The following TET2 variants were observed in gnomAD, a reference collection of about 807,000 sequenced individuals.
The protein encoded by TET2 is tet methylcytosine dioxygenase 2.
A neutral mutation model predicts 142.9 loss-of-function variants in TET2; 299 were observed. That is an observed-to-expected ratio of 2.09 (90% CI 1.90 to 2.30). The LOEUF is 2.30. Among genes scored for constraint, TET2 ranks in the 30% most tolerant of loss-of-function variants. The pLI is 0.00. For synonymous variants in TET2, 819 were observed against 849.0 expected (o/e 0.96, Z 0.61); for missense variants, 2,418 against 2,378.0 (o/e 1.02, Z -0.35).
intron 1 of TET2, among the ~76,000 whole-genome samples, chr4:105,167,376 A>ATATACATATGCGTGTATATGTG (rs1560719513): frequency 1.3e-5 from 2 of 152,038 alleles, no homozygotes; most frequent in African/African-American, 4.8e-5. Context: ...ATGTGTACAC[A>ATATACATATGCGTGTATATGTG]TATACATATG....
intron 6 of TET2, among the ~76,000 whole-genome samples, chr4:105,248,974 A>T (rs1729722436): frequency 1.4e-5 from 2 of 147,532 alleles, no homozygotes; most frequent in African/African-American, 5.0e-5. Flanking sequence ...CATTTTATTA[A>T]AAAAAAAAAG....
chr4:105,215,529 G>C (rs1273520691), intron 2 of TET2, among the ~76,000 whole-genome samples: 2 of 152,160 alleles, frequency 1.3e-5, no homozygotes, highest in South Asian at 4.1e-4. Context: ...AAGATTGGTA[G>C]CTGTGTGGGC....
chr4:105,234,923 A>C lies in TET2; in HGVS notation c.981A>C (p.Ser327=), dbSNP rs548460864. ...CAGAACAACTACAACAACAAAAATC[A>C]GTTTTTGAGATATGCCCATCTCCTG... The part of the protein sequence containing the change: ...QKPEQLQQQK[S]VFEICPSPAE... Residue 327 remains serine, a synonymous_variant, in exon 3 of 11, where the codon TCA becomes TCC. Transcript: ENST00000380013. 6.2e-7 allele frequency: 1 copy of C among 1,614,090 alleles called. No individual in the cohort carries two copies. The highest frequency in any genetic ancestry group is 1.3e-5 in the African/African-American group (1 of 75,042).
intron 6 of TET2, among the ~76,000 whole-genome samples, chr4:105,247,228 A>G (rs986116662): frequency 5.3e-5 from 8 of 152,200 alleles, no homozygotes; most frequent in Non-Finnish European, 1.0e-4. Flanking sequence ...CAGAAGACAG[A>G]TAACTTACCA....
chr4:105,160,774 G>GGTTT (rs199911726), intron 1 of TET2, among the ~76,000 whole-genome samples: 24 of 151,854 alleles, frequency 1.6e-4, no homozygotes, highest in Non-Finnish European at 2.2e-4. Context: ...TTGGTTTGTT[G>GGTTT]GTTTGTTTGT....
intron 6 of TET2, among the ~76,000 whole-genome samples, chr4:105,259,340 T>C (rs1344096135): frequency 1.3e-5 from 2 of 152,164 alleles, no homozygotes; most frequent in Non-Finnish European, 2.9e-5. Context: ...TTCCAGGGGA[T>C]AGTAAATATT....
At position 105,272,715 on chromosome 4, in the gene TET2, A is replaced by C; in HGVS notation, c.4334A>C (p.Gln1445Pro). 1 of 1,551,750 alleles carries C rather than the reference A, an allele frequency of 6.4e-7. No homozygotes were observed. The change falls in exon 10 of 11, where the codon CAG becomes CCG. Residue 1445 changes from glutamine to proline, a missense_variant. Transcript: ENST00000380013. Reference protein sequence around the residue: ...QEEKKRSGAIQVLSSFRRKVR... With the variant: ...QEEKKRSGAIPVLSSFRRKVR... ...GAGAAAAAACGGAGTGGTGCCATTC[A>C]GGTACTGAGTTCTTTTCGGCGAAAA... is the stretch of plus-strand genomic sequence containing the variant.
At chr4:105,158,772 G>T (rs1687981682) in intron 1 of TET2, among the ~76,000 whole-genome samples, 1 of 151,152 alleles carries the variant, frequency 6.6e-6, no homozygotes, top group South Asian at 2.1e-4. Flanking sequence ...TACAAGAAAT[G>T]CAACAGGAAA....
At chr4:105,198,251 G>A (rs1726208549) in intron 2 of TET2, among the ~76,000 whole-genome samples, 1 of 152,164 alleles carries the variant, frequency 6.6e-6, no homozygotes, top group South Asian at 2.1e-4. Flanking sequence ...CAGGGGAATC[G>A]CTTGAACTCA....
intron 3 of TET2, chr4:105,237,769 A>G: frequency 8.7e-7 from 1 of 1,155,998 alleles, no homozygotes. Flanking sequence ...TTTTAATTCA[A>G]GGTAAAATAT....
intron 6 of TET2, among the ~76,000 whole-genome samples, chr4:105,252,971 T>C (rs1729944352): frequency 6.7e-6 from 1 of 150,148 alleles, no homozygotes; most frequent in Non-Finnish European, 1.5e-5. Context: ...CTGGACTCTT[T>C]ATTCTGTTCC....
At chr4:105,182,451 G>T (rs879680220) in intron 1 of TET2, among the ~76,000 whole-genome samples, 1 of 152,166 alleles carries the variant, frequency 6.6e-6, no homozygotes, top group Non-Finnish European at 1.5e-5. Flanking sequence ...TCACTCCTGT[G>T]TGGTAAGGGA....
chr4:105,160,470 A>G (rs1176014683), intron 1 of TET2, among the ~76,000 whole-genome samples: 1 of 152,196 alleles, frequency 6.6e-6, no homozygotes, highest in Non-Finnish European at 1.5e-5. Flanking sequence ...TTTGTATTGC[A>G]TCTAAGGATC....
chr4:105,216,672 A>G (rs17035348), intron 2 of TET2, among the ~76,000 whole-genome samples: 56 of 152,188 alleles, frequency 3.7e-4, no homozygotes, highest in African/African-American at 1.3e-3. Flanking sequence ...GATATTTCCT[A>G]GATGTTTTCC....
intron 4 of TET2, chr4:105,242,158 T>C (rs1024107637): frequency 8.8e-7 from 1 of 1,138,556 alleles, no homozygotes; most frequent in Non-Finnish European, 1.1e-6. Flanking sequence ...ACATATTCAG[T>C]ATCATTCTTG....
At chr4:105,211,493 C>T (rs1039527772) in intron 2 of TET2, among the ~76,000 whole-genome samples, 7 of 152,176 alleles carry the variant, frequency 4.6e-5, no homozygotes, top group Middle Eastern at 3.4e-3. Flanking sequence ...CTGAGGTGAC[C>T]AGCATTTAGG....
chr4:105,197,606 C>T (rs1456162144), intron 2 of TET2, among the ~76,000 whole-genome samples: 1 of 152,090 alleles, frequency 6.6e-6, no homozygotes, highest in African/African-American at 2.4e-5. Context: ...CTCTAGAGAG[C>T]ATTTTAGGAA....
At chr4:105,166,616 AAAAG>A (rs1376443867) in intron 1 of TET2, among the ~76,000 whole-genome samples, 2 of 151,520 alleles carry the variant, frequency 1.3e-5, no homozygotes, top group Non-Finnish European at 2.9e-5. Flanking sequence ...TACAGAAAAA[AAAAG>A]AAAAAAAAAC....
intron 2 of TET2, among the ~76,000 whole-genome samples, chr4:105,203,375 GAAA>G (rs1480202963): frequency 6.6e-6 from 1 of 151,970 alleles, no homozygotes; most frequent in Non-Finnish European, 1.5e-5. Context: ...TATTTACTGG[GAAA>G]AAAAGTCATG....
Sources: allele counts gnomAD v4.1 joint callset (sites outside exome capture counted in the v4.1 genomes callset), GRCh38; gene constraint gnomAD v4.1.1; transcripts MANE v1.5; gene names NCBI Gene and HGNC (gene_info 2026-07-23, HGNC 2026-07-21).